DPP10: variants seen among roughly 807,000 people sequenced by gnomAD.
DPP10 encodes inactive dipeptidyl peptidase 10.
In DPP10, 33 loss-of-function variants were observed where a neutral mutation model predicts 120.9. That is an observed-to-expected ratio of 0.27 (90% confidence interval 0.21 to 0.37). The LOEUF (loss-of-function observed/expected upper bound fraction) is 0.37, where lower values mean the gene tolerates loss of function less well. Ranked by LOEUF, DPP10 falls within the 10% of genes least tolerant of loss-of-function variation. The pLI is 1.00. For synonymous variants in DPP10, 337 were observed against 326.1 expected (o/e 1.03, Z -0.36); for missense variants, 816 against 942.8 (o/e 0.87, Z 1.76).
chr2:114,991,898 C>T (rs760784124), intron 1 of DPP10, among the ~76,000 whole-genome samples: 4 of 152,170 alleles, frequency 2.6e-5, no homozygotes, highest in Non-Finnish European at 5.9e-5. Context: ...TGGAAAGATA[C>T]TTAGCTGTAG....
intron 1 of DPP10, among the ~76,000 whole-genome samples, chr2:115,096,739 TA>T (rs1451297833): frequency 2.6e-5 from 4 of 152,176 alleles, no homozygotes; most frequent in Non-Finnish European, 5.9e-5. Flanking sequence ...TGAACCTTCC[TA>T]AGTTGGAAAA....
chr2:115,214,938 C>T (rs1250352253), intron 1 of DPP10, among the ~76,000 whole-genome samples: 2 of 152,168 alleles, frequency 1.3e-5, no homozygotes, highest in African/African-American at 4.8e-5. Context: ...CTTTCCTGAG[C>T]TTGCTGTCCT....
At chr2:115,178,600 G>C (rs2053867197) in intron 1 of DPP10, among the ~76,000 whole-genome samples, 1 of 152,134 alleles carries the variant, frequency 6.6e-6, no homozygotes, top group Non-Finnish European at 1.5e-5. Context: ...ATGTATGATT[G>C]CATGTAACCT....
At chr2:115,279,649 C>CTT (rs2060068274) in intron 1 of DPP10, among the ~76,000 whole-genome samples, 4 of 50,026 alleles carry the variant, frequency 8.0e-5, no homozygotes, top group African/African-American at 2.2e-4. Context: ...TTCTTTTTTT[C>CTT]TTCTTCTTTT....
intron 1 of DPP10, among the ~76,000 whole-genome samples, chr2:114,989,706 C>T (rs1054808046): frequency 6.6e-6 from 1 of 152,092 alleles, no homozygotes; most frequent in African/African-American, 2.4e-5. Flanking sequence ...GAAGGTGGTT[C>T]GTTATCTAAA....
intron 3 of DPP10, among the ~76,000 whole-genome samples, chr2:115,386,935 A>C (rs2066984664): frequency 6.6e-6 from 1 of 152,044 alleles, no homozygotes; most frequent in African/African-American, 2.4e-5. Flanking sequence ...ATATTAAAAT[A>C]TGAAGGGCAA....
chr2:115,817,690 T>A (rs201850691), intron 21 of DPP10, among the ~76,000 whole-genome samples: 3 of 147,076 alleles, frequency 2.0e-5, no homozygotes, highest in Non-Finnish European at 3.0e-5. Context: ...TTTTTTTTTT[T>A]AAAGGAAAAC....
rs144888472 is a variant in DPP10, at chr2:115,819,488, C to T, written c.1950+3759C>T. Among the ~76,000 whole-genome samples, 560 of 152,244 alleles carry T rather than the reference C, an allele frequency of 3.7e-3. 2 individuals carry two copies. Among genetic ancestry groups the T allele is most frequent in the African/African-American group, 0.013 (535 of 41,544 alleles). On this transcript the variant is annotated intron_variant, in intron 21 of 25. Transcript: ENST00000410059. ...TTGCACTCATGTTCTTCCTTTATTG[C>T]TCTTGCTCTCCCTTTTTGTCTCTCC... is the stretch of plus-strand genomic sequence containing the variant.
At chr2:114,931,601 C>T (rs777194154) in intron 1 of DPP10, among the ~76,000 whole-genome samples, 8 of 152,146 alleles carry the variant, frequency 5.3e-5, no homozygotes, top group South Asian at 2.1e-4. Context: ...ATGAGATTTA[C>T]GGAGACAAAC....
At chr2:114,951,312 A>G (rs1325656565) in intron 1 of DPP10, among the ~76,000 whole-genome samples, 1 of 152,184 alleles carries the variant, frequency 6.6e-6, no homozygotes, top group African/African-American at 2.4e-5. Context: ...TACTATTGTC[A>G]TGTTTATTAT....
intron 1 of DPP10, among the ~76,000 whole-genome samples, chr2:114,973,455 A>G (rs1699528185): frequency 6.6e-6 from 1 of 151,668 alleles, no homozygotes; most frequent in African/African-American, 2.4e-5. Context: ...AGGTCAGGAG[A>G]TCGAGACCAT....
intron 5 of DPP10, among the ~76,000 whole-genome samples, chr2:115,555,890 G>A (rs2080179697): frequency 6.6e-6 from 1 of 152,044 alleles, no homozygotes; most frequent in Admixed American, 6.6e-5. Context: ...TGTGGTGGAG[G>A]AGGTGCATAG....
At chr2:115,762,861 T>C (rs1017679060) in intron 12 of DPP10, among the ~76,000 whole-genome samples, 1 of 152,198 alleles carries the variant, frequency 6.6e-6, no homozygotes, top group Non-Finnish European at 1.5e-5. Context: ...AAATATTCTG[T>C]GTAAGTACAC....
At chr2:115,023,027 G>A (rs1193656016) in intron 1 of DPP10, among the ~76,000 whole-genome samples, 1 of 152,054 alleles carries the variant, frequency 6.6e-6, no homozygotes, top group African/African-American at 2.4e-5. Context: ...TTAAATCCAA[G>A]ATCTGAAACC....
At chr2:114,721,886 T>G (rs1701725162) in intron 1 of DPP10, among the ~76,000 whole-genome samples, 1 of 152,232 alleles carries the variant, frequency 6.6e-6, no homozygotes, top group South Asian at 2.1e-4. Context: ...CCACTTCCTA[T>G]CTGGGCGACT....
chr2:115,583,399 G>GTTCAGT (rs1482804334), intron 5 of DPP10, among the ~76,000 whole-genome samples: 2 of 152,178 alleles, frequency 1.3e-5, no homozygotes, highest in Non-Finnish European at 2.9e-5. Context: ...GCTTGATAGT[G>GTTCAGT]TTCAGTTGCA....
chr2:115,231,313 A>G (rs1169016277), intron 1 of DPP10, among the ~76,000 whole-genome samples: 3 of 152,132 alleles, frequency 2.0e-5, no homozygotes, highest in Non-Finnish European at 4.4e-5. Context: ...ATGAAAGTAT[A>G]ATAGCATGCA....
At chr2:114,701,635 A>G (rs1700389008) in intron 1 of DPP10, among the ~76,000 whole-genome samples, 1 of 152,140 alleles carries the variant, frequency 6.6e-6, no homozygotes, top group Admixed American at 6.6e-5. Flanking sequence ...CCACCCTTTG[A>G]CAGAAGTTTA....
At chr2:114,930,306 A>G (rs915916159) in intron 1 of DPP10, among the ~76,000 whole-genome samples, 1 of 152,190 alleles carries the variant, frequency 6.6e-6, no homozygotes, top group African/African-American at 2.4e-5. Context: ...TTCCTTTTTA[A>G]TTATAAATTC....
Sources: gnomAD v4.1 joint callset for allele counts (sites outside exome capture counted in the v4.1 genomes callset) on GRCh38, gnomAD v4.1.1 for gene constraint, MANE v1.5 for transcripts, NCBI Gene and HGNC (gene_info 2026-07-23, HGNC 2026-07-21) for gene names.